The following ANGPTL5 variants were observed in gnomAD, a reference collection of about 807,000 sequenced individuals.
ANGPTL5 encodes the protein angiopoietin-related protein 5.
A neutral mutation model predicts 39.4 loss-of-function variants in ANGPTL5; 34 were observed. The observed-to-expected ratio is 0.86, with a 90% CI of 0.66 to 1.15. The LOEUF (loss-of-function observed/expected upper bound fraction) is 1.15. Among genes scored for constraint, ANGPTL5 ranks in the 50% most tolerant of loss-of-function variants. ANGPTL5 has a pLI of 0.00. For missense variants in ANGPTL5, 467 were observed against 457.5 expected, an observed-to-expected ratio of 1.02 and a Z score of -0.19; for synonymous variants, 146 against 152.1, an observed-to-expected ratio of 0.96 and a Z score of 0.29.
At chr11:101,896,562 T>C (rs1413143485) in intron 7 of ANGPTL5, among the ~76,000 whole-genome samples, 1 of 152,164 alleles carries the variant, frequency 6.6e-6, no homozygotes, top group African/African-American at 2.4e-5. Context: ...TGTGTCCATG[T>C]GTTCTCATTG....
At position 101,905,642 on chromosome 11, in the gene ANGPTL5, A is replaced by T. The variant is rs548389622; in HGVS notation, c.345+102T>A. 2.6e-4 allele frequency: 212 copies of T among 807,012 alleles called. 2 individuals carry two copies. The South Asian group carries it at 3.1e-3, about 12-fold the overall frequency. 50.0% of individuals were successfully genotyped at this position (807,012 alleles called of 1,614,324 possible). A position where few individuals can be genotyped will look rare whatever the true frequency, so the allele number is the denominator to read the frequency against. On this transcript the variant is annotated intron_variant, in intron 4 of 8. Coordinates refer to ENST00000334289, the MANE Select transcript of ANGPTL5 (RefSeq NM_178127.5). ...GCCTCTAACATGGTAGGCGCTAAATAGATGTCTGAACATGAATGCATTTTA... is the reference window on the plus strand; with the variant it reads ...GCCTCTAACATGGTAGGCGCTAAATTGATGTCTGAACATGAATGCATTTTA...
At chr11:101,895,797 A>G (rs1015687588) in intron 7 of ANGPTL5, among the ~76,000 whole-genome samples, 27 of 152,216 alleles carry the variant, frequency 1.8e-4, no homozygotes, top group African/African-American at 6.5e-4. Flanking sequence ...GCATAGCCCA[A>G]ATGTGTATAT....
chr11:101,891,610 AT>A lies in ANGPTL5; in HGVS notation c.848-13del, dbSNP rs796164085. The A allele has an allele frequency of 6.2e-7, 1 of 1,612,384 alleles. No homozygotes were observed. The highest frequency in any genetic ancestry group is 1.1e-5 in the South Asian group (1 of 90,898). ...CCGGAATGCATCACCTGGGAAAAAA[AT>A]TTTTAATGATCGAATTTAAAGGAAA... On this transcript the variant is annotated splice_polypyrimidine_tract_variant and intron_variant, in intron 8 of 8. Coordinates refer to ENST00000334289, the MANE Select transcript of ANGPTL5 (RefSeq NM_178127.5).
rs762486231 is a variant in ANGPTL5, at chr11:101,895,038, T to G, written c.688A>C (p.Ile230Leu). 6.2e-7 allele frequency: 1 copy of G among 1,602,232 alleles called. No homozygotes were observed. The highest frequency in any genetic ancestry group is 1.3e-5 in the African/African-American group (1 of 74,516). ...LGEFWLGLKK[I>L]FYIVNQKNTS... The stretch of plus-strand genomic sequence containing the variant: ...TTTTTCTGATTTACTATATAAAAAA[T>G]CTTTTTCAGTCCTAGCCAAAATTCT... The change falls in exon 8 of 9, where the codon ATT becomes CTT. Residue 230 changes from isoleucine to leucine, a missense_variant. Transcript: ENST00000334289.
At chr11:101,894,393 G>A (rs1939755995) in intron 8 of ANGPTL5, among the ~76,000 whole-genome samples, 1 of 152,180 alleles carries the variant, frequency 6.6e-6, no homozygotes, top group Admixed American at 6.5e-5. Flanking sequence ...ATGAGCAGAT[G>A]CATCAAAGTA....
At position 101,915,111 on chromosome 11, in the gene ANGPTL5, A is replaced by G. The variant is rs950515899; in HGVS notation, c.-93+908T>C. 1.4e-5 allele frequency: 13 copies of G among 949,728 alleles called. No individual in the cohort carries two copies. The Admixed American group carries it at 2.4e-4, about 18-fold the overall frequency. 58.8% of individuals were successfully genotyped at this position (949,728 alleles called of 1,614,324 possible). A position where few individuals can be genotyped will look rare whatever the true frequency, so the allele number is the denominator to read the frequency against. On this transcript the variant is annotated intron_variant, in intron 1 of 8. Transcript: ENST00000334289. ...CTGCCTCAGCTGCCATCGCCGCTAC[A>G]GGCACCAGTGCCGCTGCGCGGGAGC...
chr11:101,913,026 C>G (rs997122022), intron 1 of ANGPTL5, among the ~76,000 whole-genome samples: 2 of 152,200 alleles, frequency 1.3e-5, no homozygotes, highest in African/African-American at 4.8e-5. Flanking sequence ...AGCAGCTAAA[C>G]AAACACTGGC....
intron 1 of ANGPTL5, among the ~76,000 whole-genome samples, chr11:101,908,659 A>G (rs534350526): frequency 9.2e-5 from 14 of 152,024 alleles, no homozygotes; most frequent in African/African-American, 2.7e-4. Context: ...AGGTGCCTGT[A>G]ATCCCAGCTG....
intron 5 of ANGPTL5, among the ~76,000 whole-genome samples, chr11:101,903,135 C>T (rs1175245136): frequency 6.6e-6 from 1 of 151,990 alleles, no homozygotes; most frequent in Non-Finnish European, 1.5e-5. Flanking sequence ...GTAGATTAAC[C>T]ACTACAGACA....
At position 101,900,523 on chromosome 11, in the gene ANGPTL5, C is replaced by G. The variant is rs1244452406; in HGVS notation, c.568G>C (p.Gly190Arg). ...CTTTTCTGTATCACAGTCCGTCCAC[C>G]TCCTCTGTAATCCATGTCACACATT... The part of the protein sequence containing the change: ...EVMCDMDYRG[G>R]GRTVIQKRID... The change falls in exon 7 of 9, where the codon GGT becomes CGT. Residue 190 changes from glycine to arginine, a missense_variant. Coordinates refer to ENST00000334289, the MANE Select transcript of ANGPTL5 (RefSeq NM_178127.5). 2 of 1,611,524 alleles carry G rather than the reference C, an allele frequency of 1.2e-6. No homozygotes were observed. Among genetic ancestry groups the G allele is most frequent in the Admixed American group, 3.3e-5 (2 of 60,004 alleles).
rs371288617 is a variant in ANGPTL5 at position 101,901,514 on chromosome 11, C to T, written c.541-964G>A. 2.4e-4 allele frequency among the ~76,000 whole-genome samples: 36 copies of T among 152,040 alleles called. No homozygotes were observed. In the South Asian group the frequency reaches 7.3e-3, roughly 31 times the overall value. On this transcript the variant is annotated intron_variant, in intron 6 of 8. Coordinates refer to ENST00000334289, the MANE Select transcript of ANGPTL5 (RefSeq NM_178127.5). ...GACCTCTGTAGGGCACCCATAGAAG[C>T]GATATAGGGAAGAAATCAGAGCAAA...
intron 7 of ANGPTL5, among the ~76,000 whole-genome samples, chr11:101,897,900 T>C (rs1939827880): frequency 6.6e-6 from 1 of 152,186 alleles, no homozygotes; most frequent in Admixed American, 6.5e-5. Context: ...AGAAAGTCAA[T>C]GGTAGCTTGA....
intron 7 of ANGPTL5, among the ~76,000 whole-genome samples, chr11:101,899,600 G>A (rs775191563): frequency 2.6e-5 from 4 of 152,210 alleles, no homozygotes; most frequent in Non-Finnish European, 5.9e-5. Context: ...CAGAAGTAAT[G>A]CTGAGAAAAT....
Position 101,900,503 on chromosome 11 carries a change from C to T in ANGPTL5, c.588G>A (p.Gln196=). 6.2e-7 allele frequency: 1 copy of T among 1,613,108 alleles called. No individual in the cohort carries two copies. The highest frequency in any genetic ancestry group is 2.2e-5 in the East Asian group (1 of 44,792). ...DYRGGGRTVI[Q]KRIDGIIDFQ... is the part of the protein sequence containing the mutation. ...AATCAATTATCCCATCAATTCTTTT[C>T]TGTATCACAGTCCGTCCACCTCCTC... The change falls in exon 7 of 9, where the codon CAG becomes CAA. Residue 196 remains glutamine, a synonymous_variant. Transcript: ENST00000334289.
intron 1 of ANGPTL5, among the ~76,000 whole-genome samples, chr11:101,911,600 GTCCTGC>G (rs1316909049): frequency 1.3e-5 from 2 of 152,024 alleles, no homozygotes; most frequent in African/African-American, 2.4e-5. Context: ...CTCTCTTTCA[GTCCTGC>G]TCCTGCCATG....
chr11:101,901,192 T>C (rs949177130), intron 6 of ANGPTL5, among the ~76,000 whole-genome samples: 14 of 152,144 alleles, frequency 9.2e-5, no homozygotes, highest in Non-Finnish European at 1.8e-4. Flanking sequence ...TGCAGCATTT[T>C]AAAGTTATCC....
intron 1 of ANGPTL5, among the ~76,000 whole-genome samples, chr11:101,911,227 G>A (rs916887475): frequency 1.4e-5 from 2 of 141,158 alleles, no homozygotes; most frequent in Non-Finnish European, 1.5e-5. Context: ...AGTTTCAATC[G>A]ATTCTCCTTC....
intron 1 of ANGPTL5, among the ~76,000 whole-genome samples, chr11:101,910,553 T>C (rs956230786): frequency 2.6e-5 from 4 of 152,090 alleles, no homozygotes; most frequent in East Asian, 1.9e-4. Flanking sequence ...ATTAATGAAA[T>C]TGCATGTCTA....
rs568907138 is a variant in ANGPTL5 at position 101,900,240 on chromosome 11, A to G, written c.661+190T>C. On this transcript the variant is annotated intron_variant, in intron 7 of 8. Transcript: ENST00000334289. ...CATTTCACCAGATATCTACAAATAA[A>G]GATTTCCAGATCTCCACTGAAGACC... Among the ~76,000 whole-genome samples the G allele has an allele frequency of 2.6e-5, 4 of 152,176 alleles. No homozygotes were observed. The South Asian group carries it at 6.2e-4, about 24-fold the overall frequency.
Sources: allele counts gnomAD v4.1 joint callset (sites outside exome capture counted in the v4.1 genomes callset), GRCh38; gene constraint gnomAD v4.1.1; transcripts MANE v1.5; gene names NCBI Gene and HGNC (gene_info 2026-07-23, HGNC 2026-07-21).